The following PGM2L1 variants were observed in gnomAD, a reference collection of about 807,000 sequenced individuals.
PGM2L1 encodes phosphoglucomutase 2 like 1, also known as glucose 1,6-bisphosphate synthase.
A neutral mutation model predicts 73.4 loss-of-function variants in PGM2L1; 35 were observed. The ratio of observed to expected loss-of-function variants is 0.48; its 90% CI spans 0.36 to 0.63. The LOEUF is 0.63. PGM2L1 is among the 30% of genes least tolerant of loss of function. The probability of loss-of-function intolerance (pLI) is 0.00; values close to 1 mark genes in which losing one functional copy is unlikely to be tolerated. For missense variants in PGM2L1, 570 were observed against 742.0 expected (o/e 0.77, Z 2.69); for synonymous variants, 225 against 253.8 (o/e 0.89, Z 1.08).
chr11:74,396,099 A>AAT (rs1555103467), intron 1 of PGM2L1, among the ~76,000 whole-genome samples: 39 of 150,792 alleles, frequency 2.6e-4, no homozygotes, highest in African/African-American at 9.3e-4. Flanking sequence ...AAAAAAAAAA[A>AAT]TTTTTTTTAA....
At chr11:74,356,404 T>G (rs1862455907) in intron 5 of PGM2L1, among the ~76,000 whole-genome samples, 1 of 152,210 alleles carries the variant, frequency 6.6e-6, no homozygotes, top group Non-Finnish European at 1.5e-5. Context: ...TCATCCATAA[T>G]CAATAAATGA....
intron 5 of PGM2L1, among the ~76,000 whole-genome samples, chr11:74,365,757 G>A (rs964362086): frequency 6.6e-6 from 1 of 152,334 alleles, no homozygotes; most frequent in Non-Finnish European, 1.5e-5. Context: ...CTTTTACACT[G>A]TTGGTGGGAC....
intron 5 of PGM2L1, among the ~76,000 whole-genome samples, chr11:74,361,261 C>T (rs1273351587): frequency 6.6e-6 from 1 of 152,202 alleles, no homozygotes; most frequent in Non-Finnish European, 1.5e-5. Flanking sequence ...GTTCTGCAGC[C>T]TCCACTGCTG....
At chr11:74,389,601 T>C (rs2509991) in intron 1 of PGM2L1, among the ~76,000 whole-genome samples, 110,712 of 150,736 alleles carry the variant, frequency 0.73, 41,647 homozygotes, top group Non-Finnish European at 0.83. Context: ...GCAAGTGCCA[T>C]CACGCCCAGC....
chr11:74,344,242 A>T lies in PGM2L1; in HGVS notation c.1219-826T>A, dbSNP rs79231123. Among the ~76,000 whole-genome samples, 1,387 of 152,302 alleles carry T rather than the reference A, an allele frequency of 9.1e-3. 25 individuals are homozygous for T. The highest frequency in any genetic ancestry group is 0.03 in the African/African-American group (1,231 of 41,558). ...TAAGCTATATTACAACCACTAATAT[A>T]AGAGTGCCTATGAAAGTTGGTGGAT... On this transcript the variant is annotated intron_variant, in intron 9 of 13. Transcript: ENST00000298198.
chr11:74,366,939 G>A (rs1862669454), intron 5 of PGM2L1, among the ~76,000 whole-genome samples: 1 of 152,180 alleles, frequency 6.6e-6, no homozygotes, highest in South Asian at 2.1e-4. Flanking sequence ...AACAATGGAA[G>A]CAGGGAAGAG....
chr11:74,379,856 C>T (rs1231718496), intron 1 of PGM2L1, among the ~76,000 whole-genome samples: 3 of 151,736 alleles, frequency 2.0e-5, no homozygotes, highest in Non-Finnish European at 4.4e-5. Flanking sequence ...ATGTGGGAGG[C>T]GGAGGTTAGA....
intron 6 of PGM2L1, among the ~76,000 whole-genome samples, chr11:74,350,441 T>C (rs1862331827): frequency 1.3e-5 from 2 of 152,228 alleles, no homozygotes; most frequent in Non-Finnish European, 2.9e-5. Flanking sequence ...TAAGTATAAC[T>C]TGTTTAACAG....
chr11:74,391,069 C>A (rs1222322039), intron 1 of PGM2L1, among the ~76,000 whole-genome samples: 1 of 151,998 alleles, frequency 6.6e-6, no homozygotes, highest in East Asian at 1.9e-4. Flanking sequence ...CAAAATGATG[C>A]CCCATTTTAG....
chr11:74,370,177 C>A (rs1018578911), intron 4 of PGM2L1, among the ~76,000 whole-genome samples: 1 of 151,244 alleles, frequency 6.6e-6, no homozygotes, highest in African/African-American at 2.4e-5. Flanking sequence ...CATTTTTAAC[C>A]AAGAGTAAGA....
chr11:74,368,828 CT>C (rs893541020), intron 4 of PGM2L1, among the ~76,000 whole-genome samples: 9 of 152,020 alleles, frequency 5.9e-5, no homozygotes, highest in East Asian at 1.9e-4. Context: ...ATTTTAAAAT[CT>C]TTTTTTTCCT....
In PGM2L1 at chr11:74,338,562, T is replaced by C; in HGVS notation, c.1672A>G (p.Thr558Ala). Residue 558 changes from threonine (T) to alanine (A), a missense_variant, in exon 13 of 14, where the codon ACT becomes GCT. Transcript: ENST00000298198. ...GTAGCAACACAGCCATTTTGAAAAGTAAATGTAATCATTTGGCTGTTTTTA... is the reference window on the plus strand; with the variant it reads ...GTAGCAACACAGCCATTTTGAAAAGCAAATGTAATCATTTGGCTGTTTTTA... ...VSKNSQMITF[T>A]FQNGCVATLR... The C allele has an allele frequency of 1.2e-6, 2 of 1,607,492 alleles. No homozygotes were observed. Among genetic ancestry groups the C allele is most frequent in the Non-Finnish European group, 1.7e-6 (2 of 1,174,972 alleles).
chr11:74,355,239 A>C, intron 5 of PGM2L1: 2 of 1,330,004 alleles, frequency 1.5e-6, no homozygotes, highest in South Asian at 1.2e-5. Flanking sequence ...TGATTTTGGC[A>C]ATTACAACAA....
rs1048181476 is a variant in PGM2L1 at position 74,398,286 on chromosome 11, C to A, written c.-125G>T. The A allele has an allele frequency of 5.8e-6, 8 of 1,368,840 alleles. No individual in the cohort carries two copies. In the Middle Eastern group the frequency reaches 6.1e-4, roughly 105 times the overall value. The allele number at this position is 1,368,840 out of a possible 1,614,324, so 84.8% of individuals were successfully genotyped here. A position where few individuals can be genotyped will look rare whatever the true frequency, so the allele number is the denominator to read the frequency against. ...TCACTGAAGGGCATCGGAGACCAAC[C>A]GCAGGGTGTTCGTAACAGCTCCTGC... On this transcript the variant is annotated 5_prime_UTR_variant, in exon 1 of 14. Transcript: ENST00000298198.
chr11:74,359,039 T>C (rs566662585), intron 5 of PGM2L1, among the ~76,000 whole-genome samples: 2 of 152,296 alleles, frequency 1.3e-5, no homozygotes, highest in East Asian at 1.9e-4. Context: ...AAAAAATACA[T>C]AGATGAAATT....
At chr11:74,396,913 G>T (rs1863185557) in intron 1 of PGM2L1, among the ~76,000 whole-genome samples, 1 of 152,154 alleles carries the variant, frequency 6.6e-6, no homozygotes, top group Non-Finnish European at 1.5e-5. Flanking sequence ...TTATTTGTTG[G>T]TCTTCCTCAT....
At chr11:74,349,507 A>G (rs1862317502) in intron 6 of PGM2L1, among the ~76,000 whole-genome samples, 1 of 152,186 alleles carries the variant, frequency 6.6e-6, no homozygotes, top group Non-Finnish European at 1.5e-5. Context: ...CATGGCAAGG[A>G]AAACAAAGTT....
intron 1 of PGM2L1, among the ~76,000 whole-genome samples, chr11:74,389,592 C>G (rs1414814536): frequency 6.6e-6 from 1 of 151,338 alleles, no homozygotes. Context: ...GGATTACAGG[C>G]AAGTGCCATC....
intron 5 of PGM2L1, among the ~76,000 whole-genome samples, chr11:74,361,609 G>C (rs1257003859): frequency 6.6e-6 from 1 of 150,968 alleles, no homozygotes; most frequent in African/African-American, 2.4e-5. Context: ...CAAGCTAAAG[G>C]AGGAAGTCCG....
Sources: allele counts gnomAD v4.1 joint callset (sites outside exome capture counted in the v4.1 genomes callset), GRCh38; gene constraint gnomAD v4.1.1; transcripts MANE v1.5; gene names NCBI Gene and HGNC (gene_info 2026-07-23, HGNC 2026-07-21).